KANK1: variants seen among roughly 807,000 people sequenced by gnomAD.
KANK1 encodes KN motif and ankyrin repeat domain-containing protein 1.
A neutral mutation model predicts 106.2 loss-of-function variants in KANK1; 109 were observed. The observed-to-expected ratio is 1.03, with a 90% CI of 0.88 to 1.20. The LOEUF is 1.20. Among genes scored for constraint, KANK1 ranks in the 50% most tolerant of loss-of-function variants. KANK1 has a pLI of 0.00. For missense variants in KANK1, 2,399 were observed against 1,710.7 expected, an observed-to-expected ratio of 1.40 and a Z score of -7.10; for synonymous variants, 873 against 652.2, an observed-to-expected ratio of 1.34 and a Z score of -5.16.
intron 1 of KANK1, among the ~76,000 whole-genome samples, chr9:644,865 A>C (rs1187617408): frequency 1.3e-5 from 2 of 151,192 alleles, no homozygotes; most frequent in Non-Finnish European, 2.9e-5. Flanking sequence ...TCACGCCTGT[A>C]ATCCCAGCAC....
At chr9:620,778 CTT>C (rs937630776) in intron 1 of KANK1, among the ~76,000 whole-genome samples, 3 of 152,078 alleles carry the variant, frequency 2.0e-5, no homozygotes, top group Non-Finnish European at 4.4e-5. Flanking sequence ...AAAAAGCCAA[CTT>C]TTAAAAATTT....
At chr9:697,731 G>A (rs1429425831) in intron 2 of KANK1, among the ~76,000 whole-genome samples, 1 of 152,108 alleles carries the variant, frequency 6.6e-6, no homozygotes, top group African/African-American at 2.4e-5. Flanking sequence ...ATTGTAACTT[G>A]TTACTATCAT....
rs1836914762 is a variant in KANK1, at chr9:745,321, A to G, written c.*86A>G. 2 of 1,537,758 alleles carry G rather than the reference A, an allele frequency of 1.3e-6. No individual in the cohort carries two copies. The highest frequency in any genetic ancestry group is 3.4e-5 in the Admixed American group (2 of 59,460). ...GGTGACAGATACTGAATGTATACGT[A>G]TTGTGCCTGAGCTCACCAGCAAACA... On this transcript the variant is annotated 3_prime_UTR_variant, in exon 12 of 12. Transcript: ENST00000382297.
At chr9:480,649 G>T (rs1455866289) in intron 3 of KANK1, among the ~76,000 whole-genome samples, 1 of 152,202 alleles carries the variant, frequency 6.6e-6, no homozygotes, top group African/African-American at 2.4e-5. Context: ...TTTTCATCCA[G>T]AAAGAATTAT....
In KANK1 at chr9:522,579, T is replaced by C. The variant is rs1254501902; in HGVS notation, c.-84+17825T>C. Among the ~76,000 whole-genome samples the C allele has an allele frequency of 4.0e-5, 6 of 151,656 alleles. 1 individual carries two copies. The highest frequency in any genetic ancestry group is 7.3e-5 in the African/African-American group (3 of 40,998). On this transcript the variant is annotated intron_variant, in intron 1 of 11. Transcript: ENST00000382297. ...AGGGGGTCCTGGTGTACCCCAGGGT[T>C]TGTTCTCCAGGCCTGGGACCCACAG...
chr9:692,369 C>G (rs1820164442), intron 2 of KANK1, among the ~76,000 whole-genome samples: 1 of 152,024 alleles, frequency 6.6e-6, no homozygotes, highest in Non-Finnish European at 1.5e-5. Flanking sequence ...ACCAAATAAA[C>G]CAACAGATTA....
At chr9:584,357 A>C (rs1260480637) in intron 1 of KANK1, among the ~76,000 whole-genome samples, 1 of 152,218 alleles carries the variant, frequency 6.6e-6, no homozygotes, top group Non-Finnish European at 1.5e-5. Context: ...GCGGTTCAAC[A>C]AAGTGCTAAT....
At chr9:593,055 A>G (rs1305627056) in intron 1 of KANK1, among the ~76,000 whole-genome samples, 2 of 151,820 alleles carry the variant, frequency 1.3e-5, no homozygotes, top group Non-Finnish European at 2.9e-5. Context: ...TTCAATATCT[A>G]ATGCTAGTAG....
At chr9:731,348 T>C (rs1832201395) in intron 5 of KANK1, 82 bp downstream of exon 5, 1 of 785,052 alleles carries the variant, frequency 1.3e-6, no homozygotes, top group Non-Finnish European at 2.1e-6. Flanking sequence ...AGGCGCCTAG[T>C]CGGGGAAGCG....
intron 1 of KANK1, among the ~76,000 whole-genome samples, chr9:532,645 G>C (rs1188276526): frequency 2.6e-5 from 4 of 151,978 alleles, no homozygotes; most frequent in Non-Finnish European, 5.9e-5. Context: ...TTATATGAAA[G>C]TCTTCACCAA....
At chr9:663,003 A>G (rs10975635) in intron 1 of KANK1, among the ~76,000 whole-genome samples, 127,490 of 152,048 alleles carry the variant, frequency 0.84, 53,588 homozygotes, top group East Asian at 0.97. Flanking sequence ...GAAAAAAATA[A>G]ATCTGAGGAT....
chr9:678,622 G>A (rs1247937283), intron 2 of KANK1, among the ~76,000 whole-genome samples: 5 of 152,090 alleles, frequency 3.3e-5, no homozygotes. Flanking sequence ...CAGCTACTTA[G>A]GAGGCTAAGA....
In KANK1 at chr9:734,740, C is replaced by T. The variant is rs1428181145; in HGVS notation, c.3246-8C>T. On this transcript the variant is annotated splice_region_variant and splice_polypyrimidine_tract_variant and intron_variant, in intron 6 of 11. Coordinates refer to ENST00000382297, the MANE Select transcript of KANK1 (RefSeq NM_015158.5). ...TGACCAATCGTAACTTGTTTTTTCT[C>T]CTTTCAGGTATGAATTAAGTGAAAA... is the stretch of plus-strand genomic sequence containing the variant. 1 of 1,582,170 alleles carries T rather than the reference C, an allele frequency of 6.3e-7. No individual in the cohort carries two copies. The highest frequency in any genetic ancestry group is 8.7e-7 in the Non-Finnish European group (1 of 1,152,270).
At chr9:724,609 C>T (rs138978289) in intron 3 of KANK1, among the ~76,000 whole-genome samples, 2,536 of 152,108 alleles carry the variant, frequency 0.017, 66 homozygotes, top group African/African-American at 0.058. Context: ...CGTGACCAGC[C>T]TAGCCAACAT....
At chr9:504,157 C>G (rs1202930174), upstream of KANK1, among the ~76,000 whole-genome samples, 1 of 152,168 alleles carries the variant, frequency 6.6e-6, no homozygotes, top group Non-Finnish European at 1.5e-5. Flanking sequence ...GTCGAGCAGG[C>G]CAGCCTCGTT....
intron 1 of KANK1, among the ~76,000 whole-genome samples, chr9:593,956 G>A (rs947447811): frequency 6.6e-6 from 1 of 151,850 alleles, no homozygotes; most frequent in Non-Finnish European, 1.5e-5. Context: ...ATTTGGAGTA[G>A]GTGAGGGTGG....
At chr9:717,468 C>T (rs7871054) in intron 3 of KANK1, among the ~76,000 whole-genome samples, 151,565 of 152,322 alleles carry the variant, frequency 1, 75,410 homozygotes, top group East Asian at 1. Flanking sequence ...ATACATAGTC[C>T]GCCTCTTTGT....
intron 1 of KANK1, among the ~76,000 whole-genome samples, chr9:671,264 G>T (rs1240586241): frequency 6.6e-6 from 1 of 151,526 alleles, no homozygotes; most frequent in Non-Finnish European, 1.5e-5. Flanking sequence ...AGTTTTGGAA[G>T]TATTTGATTT....
intron 1 of KANK1, among the ~76,000 whole-genome samples, chr9:622,579 A>G (rs1341644783): frequency 6.6e-6 from 1 of 152,202 alleles, no homozygotes; most frequent in Non-Finnish European, 1.5e-5. Flanking sequence ...TTAACACCAT[A>G]TACAAAAATC....
Sources: allele counts gnomAD v4.1 joint callset (sites outside exome capture counted in the v4.1 genomes callset), GRCh38; gene constraint gnomAD v4.1.1; transcripts MANE v1.5; gene names NCBI Gene and HGNC (gene_info 2026-07-23, HGNC 2026-07-21).